The following NELL2 variants were observed in gnomAD, a reference collection of about 807,000 sequenced individuals.
The protein encoded by NELL2 is neural EGFL like 2.
A neutral mutation model predicts 109.6 loss-of-function variants in NELL2; 41 were observed. That is an observed-to-expected ratio of 0.37 (90% confidence interval 0.29 to 0.49). The LOEUF is 0.49. Among genes scored for constraint, NELL2 ranks in the 20% least tolerant of loss-of-function variants. The pLI, the probability that NELL2 is intolerant of heterozygous loss-of-function variation, is 0.98. For missense variants in NELL2, 900 were observed against 1,008.3 expected, an observed-to-expected ratio of 0.89 and a Z score of 1.45; for synonymous variants, 355 against 344.7, an observed-to-expected ratio of 1.03 and a Z score of -0.33.
At chr12:44,575,034 A>G (rs1459703923) in intron 15 of NELL2, among the ~76,000 whole-genome samples, 4 of 151,858 alleles carry the variant, frequency 2.6e-5, no homozygotes, top group Admixed American at 1.3e-4. Context: ...CATGTATTTT[A>G]CTTACACATC....
intron 1 of NELL2, among the ~76,000 whole-genome samples, chr12:44,904,255 G>C (rs888001347): frequency 6.6e-6 from 1 of 151,930 alleles, no homozygotes; most frequent in African/African-American, 2.4e-5. Context: ...ATGGGAAAAG[G>C]CTAGATCAGA....
chr12:44,862,120 A>G (rs751908319), intron 2 of NELL2, among the ~76,000 whole-genome samples: 1 of 152,262 alleles, frequency 6.6e-6, no homozygotes, highest in Non-Finnish European at 1.5e-5. Context: ...AAATAATTCA[A>G]TAAAATCAGG....
chr12:44,657,417 C>A (rs1388919445), intron 13 of NELL2, among the ~76,000 whole-genome samples: 2 of 152,096 alleles, frequency 1.3e-5, no homozygotes, highest in African/African-American at 4.8e-5. Flanking sequence ...GCCGTTTATT[C>A]CACTACCATT....
chr12:44,799,157 G>A (rs1033726458), intron 3 of NELL2, among the ~76,000 whole-genome samples: 3 of 151,464 alleles, frequency 2.0e-5, no homozygotes, highest in African/African-American at 7.3e-5. Context: ...ATGGGGTTTC[G>A]CCATGTTAGC....
intron 13 of NELL2, among the ~76,000 whole-genome samples, chr12:44,635,516 C>T (rs1389547251): frequency 6.6e-6 from 1 of 152,114 alleles, no homozygotes; most frequent in Non-Finnish European, 1.5e-5. Flanking sequence ...AGCCAGTTTT[C>T]CCAACACCAT....
At chr12:44,654,884 G>A (rs1229082107) in intron 13 of NELL2, among the ~76,000 whole-genome samples, 1 of 152,136 alleles carries the variant, frequency 6.6e-6, no homozygotes, top group Non-Finnish European at 1.5e-5. Flanking sequence ...GGAGCACTCA[G>A]AAGGTGATAA....
At chr12:44,820,432 C>A (rs1176187964) in intron 2 of NELL2, among the ~76,000 whole-genome samples, 2 of 152,050 alleles carry the variant, frequency 1.3e-5, no homozygotes, top group Admixed American at 1.3e-4. Flanking sequence ...CATGGTGAAA[C>A]CCCGTCTCTA....
intron 15 of NELL2, among the ~76,000 whole-genome samples, chr12:44,535,704 TATA>T (rs1266145800): frequency 6.6e-6 from 1 of 151,934 alleles, no homozygotes; most frequent in Non-Finnish European, 1.5e-5. Context: ...AACTGAGACT[TATA>T]GTAGAGTAAT....
intron 2 of NELL2, among the ~76,000 whole-genome samples, chr12:44,857,068 G>A (rs1316154218): frequency 3.9e-5 from 6 of 152,226 alleles, no homozygotes; most frequent in Admixed American, 3.9e-4. Context: ...GATACTAAGA[G>A]AGCACATAAA....
intron 11 of NELL2, among the ~76,000 whole-genome samples, chr12:44,705,807 T>G (rs951667766): frequency 2.6e-5 from 4 of 152,200 alleles, no homozygotes; most frequent in African/African-American, 9.7e-5. Flanking sequence ...AGTGCTAAAT[T>G]TCTGCATAAT....
At chr12:44,809,658 A>G (rs17595910) in intron 3 of NELL2, among the ~76,000 whole-genome samples, 1 of 152,122 alleles carries the variant, frequency 6.6e-6, no homozygotes, top group Non-Finnish European at 1.5e-5. Flanking sequence ...AGCTTTGTTC[A>G]TGGCACACCA....
At chr12:44,900,747 T>C (rs1945650234) in intron 1 of NELL2, among the ~76,000 whole-genome samples, 2 of 151,810 alleles carry the variant, frequency 1.3e-5, no homozygotes, top group South Asian at 2.1e-4. Flanking sequence ...AGCAAACACT[T>C]TGGGAGGCTG....
chr12:44,748,580 T>C (rs146989987), intron 9 of NELL2, among the ~76,000 whole-genome samples: 2 of 152,268 alleles, frequency 1.3e-5, no homozygotes, highest in Non-Finnish European at 2.9e-5. Context: ...ACCTATAATG[T>C]GGCATAAAAG....
chr12:44,652,551 C>T (rs1048799730), intron 13 of NELL2, among the ~76,000 whole-genome samples: 25 of 152,190 alleles, frequency 1.6e-4, no homozygotes, highest in African/African-American at 5.5e-4. Context: ...CCCTCTAACT[C>T]TCTCTACAAA....
intron 9 of NELL2, among the ~76,000 whole-genome samples, chr12:44,746,294 AACTCAAGATGG>A (rs1402777831): frequency 6.6e-6 from 1 of 152,228 alleles, no homozygotes; most frequent in Non-Finnish European, 1.5e-5. Context: ...TACAAAAATT[AACTCAAGATGG>A]ATTAAAGACT....
chr12:44,569,066 T>C (rs1943764733), intron 15 of NELL2, among the ~76,000 whole-genome samples: 1 of 152,084 alleles, frequency 6.6e-6, no homozygotes, highest in Non-Finnish European at 1.5e-5. Context: ...CCAGTGTCTG[T>C]TGTTTTCCTC....
chr12:44,786,780 A>G (rs2136617073), intron 3 of NELL2, among the ~76,000 whole-genome samples: 1 of 152,320 alleles, frequency 6.6e-6, no homozygotes, highest in African/African-American at 2.4e-5. Context: ...ACAGGAAGAG[A>G]AAACCAAACA....
rs566827555 is a variant in NELL2, at chr12:44,866,028, G to A, written c.184+9197C>T. Among the ~76,000 whole-genome samples the A allele has an allele frequency of 2.6e-5, 4 of 152,108 alleles. No individual in the cohort carries two copies. The South Asian group carries it at 8.3e-4, about 32-fold the overall frequency. On this transcript the variant is annotated intron_variant, in intron 2 of 19. Coordinates refer to ENST00000429094, the MANE Select transcript of NELL2 (RefSeq NM_001145108.2). ...TCCACTTTCATGAATAAGATTAATG[G>A]TCTCATGAAAGAGACTGAAGGAAGC...
rs372230496 is a variant in NELL2 at position 44,751,856 on chromosome 12, G to A, written c.994+22891C>T. 4.3e-4 allele frequency among the ~76,000 whole-genome samples: 66 copies of A among 152,176 alleles called. No homozygotes were observed. In the East Asian group the frequency reaches 7.5e-3, roughly 17 times the overall value. ...TTATTTGGGGCATTTATCTAAGCCA[G>A]GGGTGTCCAATATTCTGGATTCCCT... is the stretch of plus-strand genomic sequence containing the variant. On this transcript the variant is annotated intron_variant, in intron 9 of 19. Coordinates refer to ENST00000429094, the MANE Select transcript of NELL2 (RefSeq NM_001145108.2).
Sources: allele counts gnomAD v4.1 joint callset (sites outside exome capture counted in the v4.1 genomes callset), GRCh38; gene constraint gnomAD v4.1.1; transcripts MANE v1.5; gene names NCBI Gene and HGNC (gene_info 2026-07-23, HGNC 2026-07-21).